PLRG1: variants seen among roughly 807,000 people sequenced by gnomAD.
PLRG1 encodes pleiotropic regulator 1.
A neutral mutation model predicts 74.9 loss-of-function variants in PLRG1; 28 were observed. The observed-to-expected ratio is 0.37, with a 90% CI of 0.28 to 0.51. PLRG1 has a LOEUF of 0.51. Ranked by LOEUF, PLRG1 falls within the 20% of genes least tolerant of loss-of-function variation. The pLI, the probability that PLRG1 is intolerant of heterozygous loss-of-function variation, is 0.91. For missense variants in PLRG1, 445 were observed against 631.9 expected (o/e 0.70, Z 3.17); for synonymous variants, 197 against 212.4 (o/e 0.93, Z 0.63).
intron 8 of PLRG1, 156 bp downstream of exon 8, chr4:154,542,031 G>C: frequency 1.7e-6 from 1 of 587,716 alleles, no homozygotes; most frequent in Non-Finnish European, 3.1e-6. Context: ...TATTTATTTA[G>C]AACACTTATT....
chr4:154,549,170 A>G, intron 1 of PLRG1: 1 of 498,408 alleles, frequency 2.0e-6, no homozygotes. Context: ...TACTCAATAA[A>G]TATTTACTGA....
chr4:154,543,720 T>C (rs1387819805), intron 7 of PLRG1, among the ~76,000 whole-genome samples: 1 of 152,200 alleles, frequency 6.6e-6, no homozygotes, highest in African/African-American at 2.4e-5. Context: ...TACAATTCAT[T>C]AGAGCTGTAT....
chr4:154,539,254 G>GA (rs749531984), intron 11 of PLRG1, 41 bp from the exon 12 acceptor site: 1 of 1,111,256 alleles, frequency 9.0e-7, no homozygotes, highest in African/African-American at 1.5e-5. Context: ...CATAGACCAG[G>GA]AAAAATAATG....
intron 1 of PLRG1, among the ~76,000 whole-genome samples, chr4:154,549,997 C>A (rs28501308): frequency 6.6e-6 from 1 of 152,174 alleles, no homozygotes; most frequent in South Asian, 2.1e-4. Context: ...GCGGCAAGTA[C>A]CAGTGGTCGA....
chr4:154,537,919 A>G (rs762623208), intron 13 of PLRG1, 50 bp downstream of exon 13: 2 of 1,090,162 alleles, frequency 1.8e-6, no homozygotes, highest in Non-Finnish European at 2.6e-6. Context: ...TTCATCATTA[A>G]AAGAAAAAAT....
intron 6 of PLRG1, 85 bp from the exon 7 acceptor site, chr4:154,544,631 G>A (rs909107168): frequency 1.4e-5 from 10 of 719,314 alleles, no homozygotes; most frequent in Middle Eastern, 2.7e-4. Flanking sequence ...AATGGAAAGA[G>A]GGAACTTACA....
intron 3 of PLRG1, 92 bp downstream of exon 3, chr4:154,547,619 G>T: frequency 2.6e-6 from 3 of 1,156,558 alleles, no homozygotes; most frequent in Non-Finnish European, 3.9e-6. Context: ...ACCACAATAA[G>T]TCCTGCCAGG....
rs7671792 is a variant in PLRG1, at chr4:154,539,961, T to C, written c.1032A>G (p.Gln344=). 0.31 allele frequency: 459,627 copies of C among 1,484,114 alleles called. 74,705 individuals are homozygous for C. Among genetic ancestry groups the C allele is most frequent in the Middle Eastern group, 0.37 (2,165 of 5,806 alleles). The allele number at this position is 1,484,114 out of a possible 1,614,324, so 91.9% of individuals were successfully genotyped here. ...ATVRCQAAEP[Q]IITGSHDTTI... ...AAGTATCGATCATACCTGTAATAAT[T>C]TGTGGTTCTGCAGCCTGACATCTCA... Residue 344 remains glutamine, a synonymous_variant, in exon 11 of 15, where the codon CAA becomes CAG. Transcript: ENST00000499023.
intron 1 of PLRG1, 33 bp from the exon 2 acceptor site, chr4:154,548,968 T>G: frequency 8.7e-7 from 1 of 1,153,668 alleles, no homozygotes; most frequent in Non-Finnish European, 1.3e-6. Context: ...CACACCTATC[T>G]ACAAATTACA....
intron 10 of PLRG1, 77 bp downstream of exon 10, chr4:154,540,517 G>C (rs1729536868): frequency 2.3e-6 from 2 of 888,228 alleles, no homozygotes. Context: ...TCAATCAATT[G>C]AAGACACTGA....
intron 7 of PLRG1, among the ~76,000 whole-genome samples, chr4:154,543,560 T>TA (rs1295849662): frequency 2.6e-4 from 39 of 152,108 alleles, no homozygotes; most frequent in African/African-American, 9.4e-4. Flanking sequence ...TGAAAAAAAA[T>TA]AAGACAACTA....
chr4:154,549,916 G>A (rs1324628449), intron 1 of PLRG1: 2 of 418,778 alleles, frequency 4.8e-6, no homozygotes, highest in Admixed American at 3.4e-5. Context: ...TGAAATAAGA[G>A]ACGACCTGAA....
Position 154,545,841 on chromosome 4 carries a change from T to G in PLRG1, c.487A>C (p.Asn163His). Residue 163 changes from asparagine to histidine, a missense_variant, in exon 6 of 15, where the codon AAT becomes CAT. Coordinates refer to ENST00000499023, the MANE Select transcript of PLRG1 (RefSeq NM_002669.4). Reference protein sequence around the residue: ...ASDRPQPTAMNSIVMETGNTK... With the variant: ...ASDRPQPTAMHSIVMETGNTK... Reference sequence around the variant, plus strand: ...TTTGATGCAGAAAAACTTACTGAATTCATCGCTGTAGGCTGTGGACGGTCA... The same window carrying G: ...TTTGATGCAGAAAAACTTACTGAATGCATCGCTGTAGGCTGTGGACGGTCA... 6.3e-7 allele frequency: 1 copy of G among 1,595,000 alleles called. No homozygotes were observed. The highest frequency in any genetic ancestry group is 1.1e-5 in the South Asian group (1 of 89,578).
In PLRG1 at chr4:154,538,946, G is replaced by C; in HGVS notation, c.1151+159C>G. 4 of 564,348 alleles carry C rather than the reference G, an allele frequency of 7.1e-6. No individual in the cohort carries two copies. The Admixed American group carries it at 9.1e-5, about 13-fold the overall frequency. The allele number at this position is 564,348 out of a possible 1,614,324, so 35.0% of individuals were successfully genotyped here. A position where few individuals can be genotyped will look rare whatever the true frequency, so the allele number is the denominator to read the frequency against. On this transcript the variant is annotated intron_variant, in intron 12 of 14. Transcript: ENST00000499023. Reference sequence around the variant, plus strand: ...TTTATAGGGCATGAAGCAAAATAGTGCATGAGGAAAATAAAAGAAACACAC... The same window carrying C: ...TTTATAGGGCATGAAGCAAAATAGTCCATGAGGAAAATAAAAGAAACACAC...
intron 7 of PLRG1, among the ~76,000 whole-genome samples, chr4:154,543,660 A>G (rs1296379992): frequency 6.6e-6 from 1 of 152,222 alleles, no homozygotes; most frequent in African/African-American, 2.4e-5. Flanking sequence ...GAGGTGGTGT[A>G]ACATCTATAT....
chr4:154,546,415 G>C (rs1342431602), intron 4 of PLRG1: 1 of 553,306 alleles, frequency 1.8e-6, no homozygotes, highest in Non-Finnish European at 3.2e-6. Flanking sequence ...ACTCAAATTT[G>C]ATTTGATCAC....
intron 2 of PLRG1, 147 bp downstream of exon 2, chr4:154,548,682 C>A (rs1729702382): frequency 1.9e-6 from 1 of 535,320 alleles, no homozygotes; most frequent in Non-Finnish European, 3.3e-6. Context: ...AAAGTTAAAT[C>A]AGCTTAAATT....
At chr4:154,546,662 C>T in intron 4 of PLRG1, 1 of 338,212 alleles carries the variant, frequency 3.0e-6, no homozygotes, top group Non-Finnish European at 5.5e-6. Flanking sequence ...TGCCTTAATA[C>T]AGACAGAGGA....
chr4:154,539,199 T>C lies in PLRG1; in HGVS notation c.1057A>G (p.Thr353Ala), dbSNP rs1342688796. The change falls in exon 12 of 15, where the codon ACA becomes GCA. Residue 353 changes from threonine (T) to alanine (A), a missense_variant. This residue lies in a region of PLRG1 where 221 missense variants were observed against 377.7 expected (regional missense o/e 0.59). Coordinates refer to ENST00000499023, the MANE Select transcript of PLRG1 (RefSeq NM_002669.4). The stretch of plus-strand genomic sequence containing the variant: ...GCCACCAGATCCCATAATCGAATTG[T>C]AGTATCATGGCTTCCTGTAATGGAA... ...PQIITGSHDT[T>A]IRLWDLVAGK... 10 of 1,603,430 alleles carry C rather than the reference T, an allele frequency of 6.2e-6. No homozygotes were observed. In the East Asian group the frequency reaches 1.8e-4, roughly 29 times the overall value.
Sources: gnomAD v4.1 joint callset for allele counts (sites outside exome capture counted in the v4.1 genomes callset) on GRCh38, gnomAD v4.1.1 for gene constraint, gnomAD v4.1.1 regional missense constraint, MANE v1.5 for transcripts, NCBI Gene and HGNC (gene_info 2026-07-23, HGNC 2026-07-21) for gene names.